Variants in HDAC9 observed in about 807,000 individuals in gnomAD.
HDAC9 encodes the protein MEF-2 interacting transcription repressor (MITR) protein.
Under a neutral mutation model 139.4 loss-of-function variants are expected in HDAC9, and 41 were observed. The observed-to-expected ratio is 0.29, with a 90% CI of 0.23 to 0.38. The LOEUF (loss-of-function observed/expected upper bound fraction) is 0.38, where lower values mean the gene tolerates loss of function less well. Among genes scored for constraint, HDAC9 ranks in the 10% least tolerant of loss-of-function variants. The pLI is 1.00. For missense variants in HDAC9, 1,147 were observed against 1,297.0 expected (o/e 0.88, Z 1.78); for synonymous variants, 517 against 476.2 (o/e 1.09, Z -1.12).
At chr7:18,387,514 A>G (rs1276419668) in intron 1 of HDAC9, among the ~76,000 whole-genome samples, 3 of 152,186 alleles carry the variant, frequency 2.0e-5, no homozygotes, top group Non-Finnish European at 2.9e-5. Context: ...CCGAAATGCC[A>G]TGTCACTCCA....
intron 22 of HDAC9, chr7:18,892,713 T>A (rs1187187727): frequency 6.6e-6 from 1 of 152,138 alleles, no homozygotes; most frequent in Non-Finnish European, 1.5e-5. Context: ...TAAAGGATAA[T>A]TTTTAAGAAG....
At chr7:18,829,317 T>G (rs1795688497) in intron 18 of HDAC9, 101 bp downstream of exon 18, 1 of 1,160,504 alleles carries the variant, frequency 8.6e-7, no homozygotes, top group Non-Finnish European at 1.3e-6. Context: ...GCAGATGGAC[T>G]GAAAAATCTT....
At chr7:18,920,469 A>C (rs1445315485) in intron 22 of HDAC9, among the ~76,000 whole-genome samples, 1 of 152,028 alleles carries the variant, frequency 6.6e-6, no homozygotes, top group East Asian at 1.9e-4. Flanking sequence ...TCTTTTCCTA[A>C]TTGAATGCCC....
chr7:18,623,407 GC>G (rs1280624241), intron 6 of HDAC9, among the ~76,000 whole-genome samples: 1 of 151,948 alleles, frequency 6.6e-6, no homozygotes, highest in African/African-American at 2.4e-5. Flanking sequence ...ACCAATTGCA[GC>G]CATCTCTCTC....
intron 1 of HDAC9, among the ~76,000 whole-genome samples, chr7:18,147,079 T>G (rs1254434411): frequency 1.3e-5 from 2 of 152,210 alleles, no homozygotes; most frequent in Admixed American, 6.5e-5. Context: ...TTTTGTCTAT[T>G]TAACAACTTA....
chr7:18,297,334 G>A (rs2791299), intron 1 of HDAC9, among the ~76,000 whole-genome samples: 26,060 of 152,056 alleles, frequency 0.17, 2,396 homozygotes, highest in East Asian at 0.26. Context: ...GTTATGGTAG[G>A]GGATTATTAG....
At chr7:18,309,388 A>G (rs981117076) in intron 1 of HDAC9, among the ~76,000 whole-genome samples, 1 of 152,180 alleles carries the variant, frequency 6.6e-6, no homozygotes, top group African/African-American at 2.4e-5. Flanking sequence ...TACCAGCTTG[A>G]TACTATTTAA....
intron 11 of HDAC9, among the ~76,000 whole-genome samples, chr7:18,650,696 T>C (rs938657426): frequency 3.9e-5 from 6 of 152,190 alleles, no homozygotes; most frequent in Non-Finnish European, 8.8e-5. Context: ...TTTGAATCTG[T>C]TAAGAATTCT....
intron 25 of HDAC9, among the ~76,000 whole-genome samples, chr7:18,985,251 G>A (rs1785247188): frequency 1.3e-5 from 2 of 151,766 alleles, no homozygotes; most frequent in African/African-American, 4.8e-5. Flanking sequence ...CCCAGAGTGC[G>A]ATGTTCCCCT....
intron 13 of HDAC9, among the ~76,000 whole-genome samples, chr7:18,747,645 C>T (rs1185619988): frequency 6.6e-6 from 1 of 152,072 alleles, no homozygotes; most frequent in African/African-American, 2.4e-5. Context: ...GTAAGCTGCT[C>T]ATAAGGGAGG....
chr7:18,171,000 G>C (rs1788388717), intron 2 of HDAC9, among the ~76,000 whole-genome samples: 1 of 152,212 alleles, frequency 6.6e-6, no homozygotes, highest in Non-Finnish European at 1.5e-5. Context: ...TTGGTAGCTT[G>C]ATGGGGATGG....
intron 17 of HDAC9, among the ~76,000 whole-genome samples, chr7:18,813,896 T>C (rs1394427196): frequency 6.6e-6 from 1 of 152,234 alleles, no homozygotes; most frequent in East Asian, 1.9e-4. Context: ...TGGTCTATGG[T>C]GTTCCCACAC....
intron 2 of HDAC9, among the ~76,000 whole-genome samples, chr7:18,240,742 C>T (rs540494410): frequency 3.9e-5 from 6 of 152,152 alleles, no homozygotes; most frequent in Non-Finnish European, 4.4e-5. Flanking sequence ...GTGATATGCA[C>T]CTCAAATCTT....
At position 18,727,688 on chromosome 7, in the gene HDAC9, T is replaced by C. The variant is rs1785664935; in HGVS notation, c.1840T>C (p.Ser614Pro). Reference sequence around the variant, plus strand: ...ACACCGTCTCGTCTCCAGGACTCACTCTTCCCCTGCTGCCTCTGTTTTACC... The same window carrying C: ...ACACCGTCTCGTCTCCAGGACTCACCCTTCCCCTGCTGCCTCTGTTTTACC... ...EKHRLVSRTH[S>P]SPAASVLPHP... The change falls in exon 13 of 26, where the codon TCT (serine) becomes CCT (proline). Residue 614 changes from serine (S) to proline (P), a missense_variant. Ser to Pro is a moderately conservative substitution (Grantham distance 74). Around this residue, in one of 7 missense-constraint regions of HDAC9, gnomAD observed 256 missense variants for 219.2 expected, o/e 1.17. Coordinates refer to ENST00000686413, the MANE Select transcript of HDAC9 (RefSeq NM_178425.4). The C allele has an allele frequency of 6.3e-7, 1 of 1,584,828 alleles. No homozygotes were observed. The highest frequency in any genetic ancestry group is 8.6e-7 in the Non-Finnish European group (1 of 1,169,382).
At chr7:18,732,955 GTGTGTGTA>G (rs1270971853) in intron 13 of HDAC9, among the ~76,000 whole-genome samples, 1 of 133,550 alleles carries the variant, frequency 7.5e-6, no homozygotes, top group Non-Finnish European at 1.6e-5. Context: ...ACACGTGTAT[GTGTGTGTA>G]TGTGTATATA....
chr7:18,565,962 C>T (rs1822206866), intron 2 of HDAC9, among the ~76,000 whole-genome samples: 2 of 151,828 alleles, frequency 1.3e-5, no homozygotes, highest in Non-Finnish European at 2.9e-5. Flanking sequence ...ATAACCATCA[C>T]ATTTCATAGG....
intron 1 of HDAC9, among the ~76,000 whole-genome samples, chr7:18,385,287 T>C (rs1380526563): frequency 3.3e-5 from 5 of 152,096 alleles, no homozygotes; most frequent in Non-Finnish European, 5.9e-5. Context: ...TTAATGATAC[T>C]AGATAGGTGT....
At chr7:18,743,688 C>T (rs1033506925) in intron 13 of HDAC9, among the ~76,000 whole-genome samples, 1 of 147,848 alleles carries the variant, frequency 6.8e-6, no homozygotes, top group Non-Finnish European at 1.5e-5. Context: ...TCTCTAAAAA[C>T]ATAAAATAAA....
intron 6 of HDAC9, among the ~76,000 whole-genome samples, chr7:18,605,932 G>A (rs1000837929): frequency 4.6e-5 from 7 of 151,994 alleles, no homozygotes; most frequent in South Asian, 2.1e-4. Flanking sequence ...TGCCCACCTC[G>A]GCCTCCGAAA....
Sources: allele counts gnomAD v4.1 joint callset (sites outside exome capture counted in the v4.1 genomes callset), GRCh38; gene constraint gnomAD v4.1.1; regional missense constraint gnomAD v4.1.1; transcripts MANE v1.5; gene names NCBI Gene and HGNC (gene_info 2026-07-23, HGNC 2026-07-21).